Variants in PTPRD observed in about 807,000 individuals in gnomAD.
The protein encoded by PTPRD is receptor-type tyrosine-protein phosphatase delta.
Under a neutral mutation model 214.5 loss-of-function variants are expected in PTPRD, and 34 were observed. That is an observed-to-expected ratio of 0.16 (90% CI 0.12 to 0.21). The LOEUF (loss-of-function observed/expected upper bound fraction) is 0.21. Among genes scored for constraint, PTPRD ranks in the 10% least tolerant of loss-of-function variants. The pLI is 1.00. For synonymous variants in PTPRD, 1,128 were observed against 845.7 expected (o/e 1.33, Z -5.79); for missense variants, 2,545 against 2,398.7 (o/e 1.06, Z -1.27).
chr9:9,781,453 T>G (rs138867676), intron 5 of PTPRD, among the ~76,000 whole-genome samples: 65 of 152,288 alleles, frequency 4.3e-4, no homozygotes, highest in Non-Finnish European at 6.5e-4. Context: ...ACGGTGACAT[T>G]GGAAGAAGGA....
At chr9:8,986,819 T>C (rs2099347148) in intron 11 of PTPRD, among the ~76,000 whole-genome samples, 1 of 152,078 alleles carries the variant, frequency 6.6e-6, no homozygotes, top group African/African-American at 2.4e-5. Flanking sequence ...AGTTTGAGAG[T>C]GCCCATCTCA....
chr9:9,437,802 G>T (rs758062995), intron 8 of PTPRD, among the ~76,000 whole-genome samples: 7 of 152,164 alleles, frequency 4.6e-5, no homozygotes, highest in African/African-American at 1.7e-4. Flanking sequence ...GGGATATGCT[G>T]ATCCCTCCCT....
rs902071345 is a variant in PTPRD at position 8,513,516 on chromosome 9, A to G, written c.1543+4332T>C. Among the ~76,000 whole-genome samples, 9 of 152,254 alleles carry G rather than the reference A, an allele frequency of 5.9e-5. No individual in the cohort carries two copies. In the South Asian group the frequency reaches 1.9e-3, roughly 32 times the overall value. On this transcript the variant is annotated intron_variant, in intron 21 of 45. Coordinates refer to ENST00000381196, the MANE Select transcript of PTPRD (RefSeq NM_002839.4). ...TAAATGAGTACCTTTTAGACACAGA[A>G]GACATCAAAATGTACATTTCTGTGT...
intron 12 of PTPRD, among the ~76,000 whole-genome samples, chr9:8,643,040 A>T (rs576724839): frequency 6.6e-6 from 1 of 152,340 alleles, no homozygotes; most frequent in South Asian, 2.1e-4. Context: ...TGAAATTTGA[A>T]CAGGGTCACC....
At position 8,885,607 on chromosome 9, in the gene PTPRD, A is replaced by T. The variant is rs977003215; in HGVS notation, c.-104+133090T>A. Among the ~76,000 whole-genome samples, 2 of 145,482 alleles carry T rather than the reference A, an allele frequency of 1.4e-5. 1 individual carries two copies. The highest frequency in any genetic ancestry group is 3.0e-5 in the Non-Finnish European group (2 of 67,268). On this transcript the variant is annotated intron_variant, in intron 11 of 45. Transcript: ENST00000381196. ...TGCCTTCCAGGTTCAAGCAATTCTC[A>T]TGCCTCAGCTTCCCTAGTAGCTGGG...
intron 14 of PTPRD, among the ~76,000 whole-genome samples, chr9:8,617,188 A>G (rs142724850): frequency 1.6e-3 from 244 of 152,252 alleles, no homozygotes; most frequent in Non-Finnish European, 2.6e-3. Context: ...AAGTAAATCA[A>G]TGAGTAATAA....
intron 8 of PTPRD, among the ~76,000 whole-genome samples, chr9:9,454,158 T>C (rs2092654334): frequency 6.6e-6 from 1 of 151,768 alleles, no homozygotes; most frequent in African/African-American, 2.4e-5. Flanking sequence ...CCTAAACAAA[T>C]TGAGCATCTT....
At chr9:8,356,108 T>C (rs1323475078) in intron 39 of PTPRD, among the ~76,000 whole-genome samples, 1 of 152,194 alleles carries the variant, frequency 6.6e-6, no homozygotes, top group East Asian at 1.9e-4. Flanking sequence ...AAGTTTGCTT[T>C]TCATTTTTTT....
chr9:10,338,263 G>A (rs1224739303), intron 3 of PTPRD, among the ~76,000 whole-genome samples: 1 of 151,554 alleles, frequency 6.6e-6, no homozygotes, highest in African/African-American at 2.4e-5. Context: ...CTCAGTGCCT[G>A]CACAGCCTCA....
At chr9:9,220,310 C>CTTTTTTTT (rs57322129) in intron 9 of PTPRD, among the ~76,000 whole-genome samples, 60,787 of 117,482 alleles carry the variant, frequency 0.52, 13,619 homozygotes, top group Non-Finnish European at 0.61. Flanking sequence ...CTTGCTTTTG[C>CTTTTTTTT]TTTTTTTTTA....
intron 11 of PTPRD, among the ~76,000 whole-genome samples, chr9:8,966,202 AT>A (rs2099193329): frequency 6.6e-6 from 1 of 152,134 alleles, no homozygotes; most frequent in African/African-American, 2.4e-5. Context: ...ATTCAATGCT[AT>A]TCCTATCAAA....
chr9:9,147,366 T>G (rs931370969), intron 10 of PTPRD, among the ~76,000 whole-genome samples: 2 of 151,990 alleles, frequency 1.3e-5, no homozygotes, highest in African/African-American at 4.8e-5. Context: ...TTTTAAAATT[T>G]TTATTCTATT....
chr9:10,037,628 C>T (rs1325344923), intron 3 of PTPRD, among the ~76,000 whole-genome samples: 1 of 148,922 alleles, frequency 6.7e-6, no homozygotes, highest in Middle Eastern at 3.5e-3. Context: ...GACACATTCA[C>T]TTTACATTTA....
At chr9:8,965,119 T>A (rs2099185490) in intron 11 of PTPRD, among the ~76,000 whole-genome samples, 1 of 152,148 alleles carries the variant, frequency 6.6e-6, no homozygotes, top group African/African-American at 2.4e-5. Context: ...GGTTCATGTC[T>A]GTAATCCCAG....
At chr9:9,376,967 A>G (rs775095826) in intron 9 of PTPRD, among the ~76,000 whole-genome samples, 7 of 152,130 alleles carry the variant, frequency 4.6e-5, no homozygotes, top group Non-Finnish European at 1.0e-4. Context: ...GGGAGCACTC[A>G]ATATAAAAAC....
At chr9:10,534,201 C>A (rs1411707718) in intron 2 of PTPRD, among the ~76,000 whole-genome samples, 1 of 151,794 alleles carries the variant, frequency 6.6e-6, no homozygotes, top group African/African-American at 2.4e-5. Context: ...CTCTCCATAT[C>A]TTTTAAACTT....
At chr9:8,920,997 C>T (rs555776748) in intron 11 of PTPRD, among the ~76,000 whole-genome samples, 3 of 151,970 alleles carry the variant, frequency 2.0e-5, no homozygotes, top group African/African-American at 7.3e-5. Flanking sequence ...TATTTTTAGT[C>T]GAGACAGGGT....
rs117428273 is a variant in PTPRD at position 9,046,027 on chromosome 9, C to G, written c.-142-27292G>C. 4.8e-4 allele frequency among the ~76,000 whole-genome samples: 73 copies of G among 152,182 alleles called. No individual in the cohort carries two copies. In the East Asian group the frequency reaches 0.013, roughly 27 times the overall value. ...TTATGTGCTAGAGAAAGGATAAACTCCAAGCTGAAAAATATGGACAAAGAT... is the reference window on the plus strand; with the variant it reads ...TTATGTGCTAGAGAAAGGATAAACTGCAAGCTGAAAAATATGGACAAAGAT... On this transcript the variant is annotated intron_variant, in intron 10 of 45. Coordinates refer to ENST00000381196, the MANE Select transcript of PTPRD (RefSeq NM_002839.4).
intron 35 of PTPRD, among the ~76,000 whole-genome samples, chr9:8,414,960 A>AGAGAGAGAGAGAGAGG (rs2093816199): frequency 7.0e-6 from 1 of 142,926 alleles, no homozygotes; most frequent in African/African-American, 2.7e-5. Context: ...AGAGAGAGAG[A>AGAGAGAGAGAGAGAGG]GAGAGAGAGA....
Sources: gnomAD v4.1 joint callset for allele counts (sites outside exome capture counted in the v4.1 genomes callset) on GRCh38, gnomAD v4.1.1 for gene constraint, MANE v1.5 for transcripts, NCBI Gene and HGNC (gene_info 2026-07-23, HGNC 2026-07-21) for gene names.